Variants in PPP3CC observed in about 807,000 individuals in gnomAD.
PPP3CC encodes the protein serine/threonine-protein phosphatase 2B catalytic subunit gamma isoform.
PPP3CC carries 35 observed loss-of-function variants against 60.3 expected under a neutral mutation model. The observed-to-expected ratio is 0.58, with a 90% CI of 0.44 to 0.77. The LOEUF (loss-of-function observed/expected upper bound fraction) is 0.77. PPP3CC is among the 30% of genes least tolerant of loss of function. The pLI is 0.00. For synonymous variants in PPP3CC, 206 were observed against 224.3 expected, an observed-to-expected ratio of 0.92 and a Z score of 0.73; for missense variants, 570 against 628.9, an observed-to-expected ratio of 0.91 and a Z score of 1.00.
intron 3 of PPP3CC, among the ~76,000 whole-genome samples, chr8:22,486,053 C>T (rs1838213797): frequency 6.6e-6 from 1 of 151,642 alleles, no homozygotes; most frequent in Non-Finnish European, 1.5e-5. Flanking sequence ...AGTGCTTCCC[C>T]CCCGCCCTCT....
rs2117169699 is a variant in PPP3CC, at chr8:22,540,995, T to G, written c.*193T>G. On this transcript the variant is annotated 3_prime_UTR_variant, in exon 14 of 14. Coordinates refer to ENST00000240139, the MANE Select transcript of PPP3CC (RefSeq NM_005605.5). Reference sequence around the variant, plus strand: ...ATTTATGTTCAATATATATAAAAAGTGCATCTGTTTTGTTTTTCCCTTTTT... The same window carrying G: ...ATTTATGTTCAATATATATAAAAAGGGCATCTGTTTTGTTTTTCCCTTTTT... 1 of 421,070 alleles carries G rather than the reference T, an allele frequency of 2.4e-6. No individual in the cohort carries two copies. Among genetic ancestry groups the G allele is most frequent in the Non-Finnish European group, 4.0e-6 (1 of 252,234 alleles). The allele number at this position is 421,070 out of a possible 1,614,324, so 26.1% of individuals were successfully genotyped here. A position where few individuals can be genotyped will look rare whatever the true frequency, so the allele number is the denominator to read the frequency against.
Position 22,502,474 on chromosome 8 carries a change from C to T in PPP3CC, c.484+4362C>T, listed in dbSNP as rs118102238. Among the ~76,000 whole-genome samples the T allele has an allele frequency of 6.6e-4, 100 of 152,270 alleles. 3 individuals are homozygous for T. The East Asian group carries it at 8.9e-3, about 14-fold the overall frequency. On this transcript the variant is annotated intron_variant, in intron 4 of 13. Transcript: ENST00000240139. ...CCGAGATGGGGGCATTGCTTGAGCC[C>T]AGGAGTTCGAGACTAACATGGGCAA...
In PPP3CC at chr8:22,513,333, G is replaced by A. The variant is rs1303380694; in HGVS notation, c.671G>A (p.Cys224Tyr). 5 of 1,613,592 alleles carry A rather than the reference G, an allele frequency of 3.1e-6. No individual in the cohort carries two copies. The highest frequency in any genetic ancestry group is 4.2e-6 in the Non-Finnish European group (5 of 1,179,826). The change falls in exon 6 of 14, where the codon TGT becomes TAT. Residue 224 changes from cysteine (C) to tyrosine (Y), a missense_variant. By Grantham distance (194) the Cys-to-Tyr change is radical (BLOSUM62 -2). Coordinates refer to ENST00000240139, the MANE Select transcript of PPP3CC (RefSeq NM_005605.5). ...FTEPPAFGPV[C>Y]DLLWSDPSED... ...GAACCTCCCGCCTTTGGACCTGTGT[G>A]TGACCTGCTTTGGTCTGATCCCTCA...
intron 8 of PPP3CC, among the ~76,000 whole-genome samples, chr8:22,526,302 A>G (rs1231637094): frequency 6.6e-6 from 1 of 152,200 alleles, no homozygotes; most frequent in Non-Finnish European, 1.5e-5. Context: ...TCTTGTTTCC[A>G]GTCATTCACT....
intron 3 of PPP3CC, among the ~76,000 whole-genome samples, chr8:22,479,852 G>C (rs1195593947): frequency 6.6e-6 from 1 of 152,102 alleles, no homozygotes; most frequent in East Asian, 1.9e-4. Context: ...GGTTTTATGA[G>C]AAAGAAAAAT....
At chr8:22,505,017 C>A (rs1057219831) in intron 4 of PPP3CC, among the ~76,000 whole-genome samples, 1 of 147,636 alleles carries the variant, frequency 6.8e-6, no homozygotes, top group Non-Finnish European at 1.5e-5. Context: ...CTTATTTCCA[C>A]GAACCTATTT....
chr8:22,484,849 G>A (rs1838175945), intron 3 of PPP3CC, among the ~76,000 whole-genome samples: 1 of 152,136 alleles, frequency 6.6e-6, no homozygotes, highest in South Asian at 2.1e-4. Flanking sequence ...AATAGTTGAA[G>A]AGTTTTGAAG....
chr8:22,457,272 G>T (rs975704685), intron 1 of PPP3CC, among the ~76,000 whole-genome samples: 2 of 151,412 alleles, frequency 1.3e-5, no homozygotes, highest in Non-Finnish European at 2.9e-5. Context: ...ACCTAAAAGT[G>T]TGGAAGTGGC....
Position 22,508,856 on chromosome 8 carries a change from G to A in PPP3CC, c.485-2230G>A, listed in dbSNP as rs138078916. Among the ~76,000 whole-genome samples the A allele has an allele frequency of 5.9e-5, 9 of 152,248 alleles. No homozygotes were observed. In the South Asian group the frequency reaches 1.0e-3, roughly 18 times the overall value. On this transcript the variant is annotated intron_variant, in intron 4 of 13. Coordinates refer to ENST00000240139, the MANE Select transcript of PPP3CC (RefSeq NM_005605.5). ...GCCAATGCTGGATCTACTTTGAAAT[G>A]GGCAAAATTTAAAACAAAGCAGAGT...
rs763127542 is a variant in PPP3CC, at chr8:22,513,312, C to T, written c.650C>T (p.Pro217Leu). 13 of 1,611,880 alleles carry T rather than the reference C, an allele frequency of 8.1e-6. 1 individual carries two copies. The South Asian group carries it at 1.4e-4, about 18-fold the overall frequency. ...TTCTAGTTAGACAGGTTTACGGAAC[C>T]TCCCGCCTTTGGACCTGTGTGTGAC... ...DIRKLDRFTEPPAFGPVCDLL... is the reference protein window; with the variant it reads ...DIRKLDRFTELPAFGPVCDLL... The change falls in exon 6 of 14, where the codon CCT (proline) becomes CTT (leucine). Residue 217 changes from proline to leucine, a missense_variant. Pro to Leu is a moderately conservative substitution (Grantham distance 98). Transcript: ENST00000240139.
chr8:22,448,208 A>G (rs1057426007), intron 1 of PPP3CC, among the ~76,000 whole-genome samples: 1 of 152,184 alleles, frequency 6.6e-6, no homozygotes, highest in Admixed American at 6.5e-5. Context: ...AAACGAAACG[A>G]AACAAAAAGG....
chr8:22,450,797 A>ATTTT (rs879291702), intron 1 of PPP3CC, among the ~76,000 whole-genome samples: 112 of 142,396 alleles, frequency 7.9e-4, no homozygotes, highest in East Asian at 2.1e-3. Context: ...AACCTACTTT[A>ATTTT]TTTTTATTTA....
intron 4 of PPP3CC, among the ~76,000 whole-genome samples, chr8:22,503,249 A>G (rs956749236): frequency 3.3e-5 from 5 of 152,140 alleles, no homozygotes; most frequent in Non-Finnish European, 5.9e-5. Flanking sequence ...GAACCACTTC[A>G]CCAAATACAA....
chr8:22,452,237 G>T (rs1042157270), intron 1 of PPP3CC, among the ~76,000 whole-genome samples: 7 of 151,930 alleles, frequency 4.6e-5, no homozygotes, highest in African/African-American at 1.7e-4. Flanking sequence ...ACAGGGTCTT[G>T]CTATGTTGCC....
At chr8:22,483,211 A>C (rs80347642) in intron 3 of PPP3CC, among the ~76,000 whole-genome samples, 2 of 152,234 alleles carry the variant, frequency 1.3e-5, no homozygotes, top group Non-Finnish European at 2.9e-5. Flanking sequence ...ATAGTTTTGT[A>C]TTAGTGTCTT....
Position 22,459,042 on chromosome 8 carries a change from G to A in PPP3CC, c.50-15912G>A, listed in dbSNP as rs112008428. Among the ~76,000 whole-genome samples the A allele has an allele frequency of 4.6e-5, 7 of 152,136 alleles. 3 individuals carry two copies. Among genetic ancestry groups the A allele is most frequent in the African/African-American group, 1.7e-4 (7 of 41,512 alleles). On this transcript the variant is annotated intron_variant, in intron 1 of 13. Coordinates refer to ENST00000240139, the MANE Select transcript of PPP3CC (RefSeq NM_005605.5). ...GGCATTATGTGTTTCACATATTGAAGTTGACACCAGAAATATACATTTGTA... is the reference window on the plus strand; with the variant it reads ...GGCATTATGTGTTTCACATATTGAAATTGACACCAGAAATATACATTTGTA...
At chr8:22,536,740 C>G (rs1206607831) in intron 12 of PPP3CC, among the ~76,000 whole-genome samples, 1 of 152,182 alleles carries the variant, frequency 6.6e-6, no homozygotes, top group African/African-American at 2.4e-5. Flanking sequence ...GTTCCACCAG[C>G]TCATTGGCTA....
intron 1 of PPP3CC, among the ~76,000 whole-genome samples, chr8:22,458,791 G>T (rs991888765): frequency 1.3e-5 from 2 of 151,922 alleles, no homozygotes; most frequent in Non-Finnish European, 2.9e-5. Context: ...TGGATAATTC[G>T]ATTTGAATTG....
chr8:22,477,910 G>A (rs1264997102), intron 3 of PPP3CC, among the ~76,000 whole-genome samples: 1 of 152,196 alleles, frequency 6.6e-6, no homozygotes, highest in Non-Finnish European at 1.5e-5. Flanking sequence ...GAGTGCAATG[G>A]CACGATCTCG....
Sources: gnomAD v4.1 joint callset for allele counts (sites outside exome capture counted in the v4.1 genomes callset) on GRCh38, gnomAD v4.1.1 for gene constraint, MANE v1.5 for transcripts, NCBI Gene and HGNC (gene_info 2026-07-23, HGNC 2026-07-21) for gene names.